Variants in TPCN2 observed in about 807,000 individuals in gnomAD.
The protein encoded by TPCN2 is two pore segment channel 2.
A neutral mutation model predicts 111.4 loss-of-function variants in TPCN2; 92 were observed. That is an observed-to-expected ratio of 0.83 (90% CI 0.70 to 0.98). The LOEUF is 0.98. Among genes scored for constraint, TPCN2 ranks in the 50% least tolerant of loss-of-function variants. The pLI is 0.00. For missense variants in TPCN2, 995 were observed against 980.1 expected, an observed-to-expected ratio of 1.02 and a Z score of -0.20; for synonymous variants, 405 against 414.5, an observed-to-expected ratio of 0.98 and a Z score of 0.28.
intron 2 of TPCN2, chr11:69,054,350 G>C (rs1277085211): frequency 3.5e-6 from 2 of 574,586 alleles, no homozygotes; most frequent in African/African-American, 1.9e-5. Flanking sequence ...TCTAGGTCCC[G>C]GGTGGGTGGG....
At chr11:69,067,009 G>A (rs909626812) in intron 7 of TPCN2, among the ~76,000 whole-genome samples, 3 of 152,224 alleles carry the variant, frequency 2.0e-5, no homozygotes, top group Non-Finnish European at 4.4e-5. Context: ...ACAGCCACGA[G>A]CACAGTGCCA....
chr11:69,079,840 G>C lies in TPCN2; in HGVS notation c.1546G>C (p.Glu516Gln). 1 of 1,613,640 alleles carries C rather than the reference G, an allele frequency of 6.2e-7. No homozygotes were observed. The highest frequency in any genetic ancestry group is 8.5e-7 in the Non-Finnish European group (1 of 1,179,848). The change falls in exon 17 of 25, where the codon GAG becomes CAG. Residue 516 changes from glutamate to glutamine, a missense_variant. Physicochemically the swap from Glu to Gln is conservative, Grantham distance 29. Coordinates refer to ENST00000294309, the MANE Select transcript of TPCN2 (RefSeq NM_139075.4). ...GLLTVVLLVLEISTLAVYRLP... is the reference protein window; with the variant it reads ...GLLTVVLLVLQISTLAVYRLP... The stretch of plus-strand genomic sequence containing the variant: ...TTTTCTTTTGTAATTAAAGGTTTTG[G>C]AGATCTCAACTCTGGCTGTGTACCG...
At chr11:69,061,258 G>A (rs1855009415) in intron 5 of TPCN2, among the ~76,000 whole-genome samples, 1 of 152,218 alleles carries the variant, frequency 6.6e-6, no homozygotes, top group Non-Finnish European at 1.5e-5. Flanking sequence ...GGCCGGCTGG[G>A]CAGACACTGG....
At chr11:69,077,296 T>TGCCCTCCTGCCATGTCCCTCCACC (rs1565091814) in intron 13 of TPCN2, among the ~76,000 whole-genome samples, 3 of 70,128 alleles carry the variant, frequency 4.3e-5, no homozygotes, top group East Asian at 1.0e-3. Context: ...GTCCCTCCAC[T>TGCCCTCCTGCCATGTCCCTCCACC]TGCCCTCCTG....
At position 69,083,972 on chromosome 11, in the gene TPCN2, C is replaced by T; in HGVS notation, c.1717C>T (p.Leu573=). 1 of 1,614,164 alleles carries T rather than the reference C, an allele frequency of 6.2e-7. No individual in the cohort carries two copies. Among genetic ancestry groups the T allele is most frequent in the Non-Finnish European group, 8.5e-7 (1 of 1,180,022 alleles). ...GATGGCCGTGGTGGCCAGTACCGTC[C>T]TGGGCCTGGTGCAGAACATGCGTGC... The part of the protein sequence containing the change: ...KLMAVVASTV[L]GLVQNMRAFG... Residue 573 remains leucine (L), a synonymous_variant, in exon 19 of 25, where the codon CTG becomes TTG. Transcript: ENST00000294309.
chr11:69,053,456 G>A (rs971078248), intron 1 of TPCN2, among the ~76,000 whole-genome samples: 2 of 152,058 alleles, frequency 1.3e-5, no homozygotes, highest in Non-Finnish European at 2.9e-5. Flanking sequence ...TGTTGAATCC[G>A]AGGTCTGGTT....
intron 5 of TPCN2, among the ~76,000 whole-genome samples, chr11:69,058,400 C>T (rs1284798390): frequency 6.6e-6 from 1 of 152,052 alleles, no homozygotes; most frequent in East Asian, 1.9e-4. Context: ...GTTGTTAGCA[C>T]CTGGAGGCCC....
intron 18 of TPCN2, among the ~76,000 whole-genome samples, chr11:69,083,534 G>A (rs557955506): frequency 1.2e-4 from 18 of 152,276 alleles, no homozygotes; most frequent in Non-Finnish European, 2.2e-4. Context: ...TTTCTTTGGC[G>A]TCTCCAGGCC....
At chr11:69,085,343 G>GTGGGGGGA in intron 20 of TPCN2, 57 bp downstream of exon 20, 1 of 581,884 alleles carries the variant, frequency 1.7e-6, no homozygotes, top group Non-Finnish European at 3.4e-6. Context: ...GGGTGGGCGG[G>GTGGGGGGA]AAGCCTTGGC....
chr11:69,054,219 C>T (rs1297617137), intron 2 of TPCN2, 122 bp downstream of exon 2: 2 of 773,286 alleles, frequency 2.6e-6, no homozygotes, highest in Non-Finnish European at 2.2e-6. Flanking sequence ...GTTAAGAGAA[C>T]TGAGGGTGGA....
At chr11:69,069,239 TG>T (rs1855407471) in intron 8 of TPCN2, among the ~76,000 whole-genome samples, 1 of 100,380 alleles carries the variant, frequency 1.0e-5, no homozygotes, top group African/African-American at 3.9e-5. Flanking sequence ...GTGACCGCAG[TG>T]GGAGCAGGAC....
intron 22 of TPCN2, among the ~76,000 whole-genome samples, chr11:69,086,236 G>A (rs754657533): frequency 5.3e-5 from 8 of 152,216 alleles, no homozygotes; most frequent in Non-Finnish European, 8.8e-5. Context: ...CTGAGTGAAC[G>A]AGATAGTTCA....
intron 23 of TPCN2, 39 bp from the exon 24 acceptor site, chr11:69,087,073 C>T (rs767063321): frequency 1.9e-5 from 30 of 1,570,286 alleles, no homozygotes; most frequent in South Asian, 1.4e-4. Flanking sequence ...TGCTTTCATT[C>T]GGGGCCCACA....
chr11:69,086,679 C>CCGG, intron 23 of TPCN2, 75 bp downstream of exon 23: 1 of 1,427,936 alleles, frequency 7.0e-7, no homozygotes, highest in Non-Finnish European at 9.9e-7. Flanking sequence ...CCTGAGGCCA[C>CCGG]CGGCCGGGCC....
chr11:69,057,524 T>G (rs1854828394), intron 4 of TPCN2, 54 bp from the exon 5 acceptor site: 8 of 1,529,442 alleles, frequency 5.2e-6, no homozygotes, highest in South Asian at 2.2e-5. Flanking sequence ...ATTCTCTGGC[T>G]GCAGGGCCAG....
At chr11:69,076,978 TGTCCCTCCACCTGCCCTCCTGCCAC>T (rs1855798829) in intron 13 of TPCN2, among the ~76,000 whole-genome samples, 2 of 87,718 alleles carry the variant, frequency 2.3e-5, no homozygotes, top group African/African-American at 9.3e-5. Flanking sequence ...CCTCCTGCCA[TGTCCCTCCACCTGCCCTCCTGCCAC>T]GTCCCTCCAC....
chr11:69,082,501 C>T (rs142985588), intron 18 of TPCN2, among the ~76,000 whole-genome samples: 15 of 152,380 alleles, frequency 9.8e-5, no homozygotes, highest in East Asian at 9.6e-4. Context: ...CCGTGTAAGA[C>T]GCATGATCGT....
rs1282809095 is a variant in TPCN2, at chr11:69,089,180, GAGA to G, written c.*1228_*1230del. 1 of 152,326 alleles carries G rather than the reference GAGA, an allele frequency of 6.6e-6. No individual in the cohort carries two copies. The allele number at this position is 152,326 out of a possible 1,614,324, so 9.4% of individuals were successfully genotyped here. ...CCCGAACAACAGTGCAGTCGGTATC[GAGA>G]TTGGGGAGAGGAGCGAGTCCAAGGA... On this transcript the variant is annotated 3_prime_UTR_variant, in exon 25 of 25. Transcript: ENST00000294309.
chr11:69,055,244 C>T lies in TPCN2; in HGVS notation c.321C>T (p.Ser107=). Residue 107 remains serine (S), a synonymous_variant, in exon 4 of 25, where the codon AGC becomes AGT. Coordinates refer to ENST00000294309, the MANE Select transcript of TPCN2 (RefSeq NM_139075.4). ...TCGAGACCCCATCCTCACTCACCAGCACGGCGGACGTGCGCTACCGCGCTG... is the reference window on the plus strand; with the variant it reads ...TCGAGACCCCATCCTCACTCACCAGTACGGCGGACGTGCGCTACCGCGCTG... The part of the protein sequence containing the change: ...AFIETPSSLT[S]TADVRYRAAP... The T allele has an allele frequency of 6.2e-7, 1 of 1,614,246 alleles. No homozygotes were observed. The highest frequency in any genetic ancestry group is 8.5e-7 in the Non-Finnish European group (1 of 1,180,040).
Sources: gnomAD v4.1 joint callset for allele counts (sites outside exome capture counted in the v4.1 genomes callset) on GRCh38, gnomAD v4.1.1 for gene constraint, MANE v1.5 for transcripts, NCBI Gene and HGNC (gene_info 2026-07-23, HGNC 2026-07-21) for gene names.